The following SDK1 variants were observed in gnomAD, a reference collection of about 807,000 sequenced individuals.
SDK1 encodes sidekick cell adhesion molecule 1.
A neutral mutation model predicts 245.5 loss-of-function variants in SDK1; 157 were observed. That is an observed-to-expected ratio of 0.64 (90% confidence interval 0.56 to 0.73). The LOEUF (loss-of-function observed/expected upper bound fraction) is 0.73, where lower values mean the gene tolerates loss of function less well. SDK1 is among the 30% of genes least tolerant of loss of function. SDK1 has a pLI of 0.00. For missense variants in SDK1, 3,583 were observed against 3,002.3 expected, an observed-to-expected ratio of 1.19 and a Z score of -4.52; for synonymous variants, 1,647 against 1,278.5, an observed-to-expected ratio of 1.29 and a Z score of -6.15.
chr7:3,854,062 A>T (rs986328937), intron 5 of SDK1, among the ~76,000 whole-genome samples: 11 of 152,066 alleles, frequency 7.2e-5, no homozygotes, highest in Non-Finnish European at 1.0e-4. Context: ...GTATTTTTTT[A>T]AAATGCTTTA....
At chr7:3,920,641 C>T (rs933754134) in intron 5 of SDK1, among the ~76,000 whole-genome samples, 25 of 152,110 alleles carry the variant, frequency 1.6e-4, no homozygotes, top group Admixed American at 1.5e-3. Context: ...GGAGGCAAGG[C>T]GGCACTTAAA....
chr7:4,049,029 G>A (rs931562957), intron 17 of SDK1, among the ~76,000 whole-genome samples: 26 of 152,080 alleles, frequency 1.7e-4, no homozygotes, highest in African/African-American at 5.8e-4. Context: ...TCTGTTCATT[G>A]AAAAAGAGAT....
At chr7:3,945,899 TAAA>T (rs754101246) in intron 5 of SDK1, among the ~76,000 whole-genome samples, 23 of 13,680 alleles carry the variant, frequency 1.7e-3, no homozygotes, top group African/African-American at 3.6e-3. Context: ...ACTCTGTCTG[TAAA>T]AAAAAAAAAA....
At chr7:3,602,827 T>C (rs1781293323) in intron 1 of SDK1, among the ~76,000 whole-genome samples, 1 of 152,244 alleles carries the variant, frequency 6.6e-6, no homozygotes, top group African/African-American at 2.4e-5. Context: ...ATTTAAGTCT[T>C]TAATCCATCT....
intron 22 of SDK1, among the ~76,000 whole-genome samples, chr7:4,095,980 G>A (rs1371931246): frequency 6.6e-6 from 1 of 152,180 alleles, no homozygotes; most frequent in Admixed American, 6.5e-5. Context: ...CCCTAAGAGG[G>A]GTTCCTGCTC....
chr7:4,004,775 G>C (rs2128145877), intron 14 of SDK1, among the ~76,000 whole-genome samples: 1 of 152,244 alleles, frequency 6.6e-6, no homozygotes, highest in Non-Finnish European at 1.5e-5. Context: ...ATTAATAGTA[G>C]TCATTAATAT....
intron 1 of SDK1, among the ~76,000 whole-genome samples, chr7:3,423,564 A>C (rs951695760): frequency 5.4e-5 from 8 of 148,572 alleles, no homozygotes; most frequent in African/African-American, 1.0e-4. Flanking sequence ...TAGTCATGGA[A>C]ACAGTGGCTT....
chr7:3,689,387 C>T (rs899135272), intron 4 of SDK1, among the ~76,000 whole-genome samples: 10 of 152,102 alleles, frequency 6.6e-5, no homozygotes, highest in African/African-American at 1.9e-4. Context: ...AGCTACCATC[C>T]TGCCGTTATA....
At chr7:4,146,029 AAG>A in intron 29 of SDK1, 113 bp downstream of exon 29, 2 of 887,746 alleles carry the variant, frequency 2.3e-6, no homozygotes, top group Admixed American at 5.7e-5. Context: ...CCTTCGGAGA[AAG>A]AGAAGGGATG....
At chr7:3,464,940 G>A (rs1176095749) in intron 1 of SDK1, among the ~76,000 whole-genome samples, 1 of 151,964 alleles carries the variant, frequency 6.6e-6, no homozygotes, top group Non-Finnish European at 1.5e-5. Flanking sequence ...TCAAACTATA[G>A]CTTCCACTGA....
At chr7:4,187,827 C>T (rs550012199) in intron 35 of SDK1, among the ~76,000 whole-genome samples, 3 of 152,320 alleles carry the variant, frequency 2.0e-5, no homozygotes, top group African/African-American at 7.2e-5. Context: ...TTGTTGCCTT[C>T]TTCAGTCTCA....
chr7:4,265,078 C>A, intron 44 of SDK1, 46 bp from the exon 45 acceptor site: 2 of 1,581,708 alleles, frequency 1.3e-6, no homozygotes, highest in Admixed American at 1.8e-5. Context: ...CGCTCCGGGC[C>A]CTGCGCCCTG....
chr7:4,148,820 G>A (rs1462397327), intron 29 of SDK1, among the ~76,000 whole-genome samples: 1 of 152,220 alleles, frequency 6.6e-6, no homozygotes, highest in African/African-American at 2.4e-5. Context: ...CTCTTTGGGA[G>A]GCCGAGGCAG....
At chr7:4,137,361 G>A (rs567093059) in intron 28 of SDK1, among the ~76,000 whole-genome samples, 15 of 152,182 alleles carry the variant, frequency 9.9e-5, no homozygotes, top group Admixed American at 2.0e-4. Context: ...ATAGCTGTGC[G>A]GCGTCAGTCT....
At chr7:3,715,554 G>A (rs1785175933) in intron 4 of SDK1, among the ~76,000 whole-genome samples, 1 of 152,148 alleles carries the variant, frequency 6.6e-6, no homozygotes, top group Admixed American at 6.5e-5. Flanking sequence ...GGATAGAGAA[G>A]GATCCCCAGA....
At chr7:4,130,244 C>T (rs1013888295) in intron 27 of SDK1, 147 bp downstream of exon 27, 3 of 910,350 alleles carry the variant, frequency 3.3e-6, no homozygotes, top group Non-Finnish European at 4.8e-6. Context: ...AATTGTTTTT[C>T]AGTCACTGAG....
chr7:3,720,209 T>C (rs536619176), intron 4 of SDK1, among the ~76,000 whole-genome samples: 3 of 152,238 alleles, frequency 2.0e-5, no homozygotes, highest in African/African-American at 7.2e-5. Flanking sequence ...TGAGGCAAGA[T>C]TGTGCCATTG....
In SDK1 at chr7:3,664,950, C is replaced by T. The variant is rs182286329; in HGVS notation, c.713+22845C>T. ...GACAGTCTGTCATTTTCCAGAGGAA[C>T]AGATGTGACCCATATCCACAGCAGG... On this transcript the variant is annotated intron_variant, in intron 4 of 44. Coordinates refer to ENST00000404826, the MANE Select transcript of SDK1 (RefSeq NM_152744.4). 9.9e-5 allele frequency among the ~76,000 whole-genome samples: 15 copies of T among 152,232 alleles called. No individual in the cohort carries two copies. In the East Asian group the frequency reaches 2.9e-3, roughly 29 times the overall value.
At chr7:3,945,149 C>T (rs1410885175) in intron 5 of SDK1, among the ~76,000 whole-genome samples, 1 of 152,038 alleles carries the variant, frequency 6.6e-6, no homozygotes, top group East Asian at 1.9e-4. Context: ...CTTGTAACCC[C>T]TCAAACTGTA....
Sources: allele counts gnomAD v4.1 joint callset (sites outside exome capture counted in the v4.1 genomes callset), GRCh38; gene constraint gnomAD v4.1.1; transcripts MANE v1.5; gene names NCBI Gene and HGNC (gene_info 2026-07-23, HGNC 2026-07-21).